HERPUD2: variants seen among roughly 807,000 people sequenced by gnomAD.
HERPUD2 encodes the protein homocysteine-responsive endoplasmic reticulum-resident ubiquitin-like domain member 2 protein.
HERPUD2 carries 13 observed loss-of-function variants against 49.9 expected under a neutral mutation model. The observed-to-expected ratio is 0.26, with a 90% CI of 0.17 to 0.41. HERPUD2 has a LOEUF of 0.41. Among genes scored for constraint, HERPUD2 ranks in the 10% least tolerant of loss-of-function variants. The pLI, the probability that HERPUD2 is intolerant of heterozygous loss-of-function variation, is 1.00. For synonymous variants in HERPUD2, 172 were observed against 171.4 expected (o/e 1.00, Z -0.03); for missense variants, 449 against 492.2 (o/e 0.91, Z 0.83).
intron 8 of HERPUD2, 64 bp downstream of exon 8, chr7:35,634,248 T>C (rs1217916057): frequency 1.1e-5 from 11 of 963,628 alleles, no homozygotes; most frequent in Non-Finnish European, 1.7e-5. Context: ...TTTCATCATG[T>C]TGGTCCCATA....
chr7:35,660,426 A>C (rs1464534643), intron 5 of HERPUD2, among the ~76,000 whole-genome samples: 1 of 152,146 alleles, frequency 6.6e-6, no homozygotes, highest in Non-Finnish European at 1.5e-5. Flanking sequence ...TGGTATTTCT[A>C]GTTCTAGATC....
At chr7:35,634,286 A>C in intron 8 of HERPUD2, 26 bp downstream of exon 8, 1 of 1,387,038 alleles carries the variant, frequency 7.2e-7, no homozygotes, top group Non-Finnish European at 1.0e-6. Context: ...CAGTATCTTA[A>C]GTATACAAAA....
chr7:35,674,330 T>A (rs1298446505), intron 2 of HERPUD2, among the ~76,000 whole-genome samples: 1 of 143,564 alleles, frequency 7.0e-6, no homozygotes, highest in African/African-American at 2.6e-5. Context: ...CTCCTATATA[T>A]AAACAATCAA....
At chr7:35,682,099 A>G (rs112917686) in intron 2 of HERPUD2, among the ~76,000 whole-genome samples, 4,358 of 151,992 alleles carry the variant, frequency 0.029, 185 homozygotes, top group African/African-American at 0.097. Flanking sequence ...GTACAGTGGC[A>G]TGGTATCAGC....
At chr7:35,689,897 C>T (rs987072735) in intron 2 of HERPUD2, among the ~76,000 whole-genome samples, 1 of 152,128 alleles carries the variant, frequency 6.6e-6, no homozygotes, top group Non-Finnish European at 1.5e-5. Context: ...GAGTCAGGTC[C>T]ATCTTAGTGA....
intron 5 of HERPUD2, among the ~76,000 whole-genome samples, chr7:35,663,793 C>G (rs1234798329): frequency 6.6e-6 from 1 of 152,048 alleles, no homozygotes; most frequent in East Asian, 1.9e-4. Flanking sequence ...CTATGTGTGT[C>G]TCTGCACGTG....
At chr7:35,643,010 T>C (rs150604611) in intron 5 of HERPUD2, among the ~76,000 whole-genome samples, 29 of 152,326 alleles carry the variant, frequency 1.9e-4, no homozygotes, top group African/African-American at 7.0e-4. Context: ...ATTCTATTTT[T>C]GAAAATTAGC....
At chr7:35,646,415 A>T (rs190629297) in intron 5 of HERPUD2, among the ~76,000 whole-genome samples, 1 of 152,160 alleles carries the variant, frequency 6.6e-6, no homozygotes, top group Admixed American at 6.5e-5. Flanking sequence ...AAATTCAATT[A>T]GCTGGGCATG....
chr7:35,694,227 C>A lies in HERPUD2; in HGVS notation c.104G>T (p.Gly35Val), dbSNP rs766157899. The change falls in exon 2 of 9, where the codon GGG becomes GTG. Residue 35 changes from glycine (G) to valine (V), a missense_variant. Transcript: ENST00000311350. ...TISCFLNWTVGKLKTHLSNVY... is the reference protein window; with the variant it reads ...TISCFLNWTVVKLKTHLSNVY... Reference sequence around the variant, plus strand: ...GTTAGATAGATGCGTTTTTAGTTTCCCCACGGTCCAGTTCAAGAAGCAGCT... The same window carrying A: ...GTTAGATAGATGCGTTTTTAGTTTCACCACGGTCCAGTTCAAGAAGCAGCT... 6.2e-7 allele frequency: 1 copy of A among 1,613,912 alleles called. No individual in the cohort carries two copies. The highest frequency in any genetic ancestry group is 1.3e-5 in the African/African-American group (1 of 74,882).
intron 3 of HERPUD2, 105 bp downstream of exon 3, chr7:35,673,096 T>G: frequency 1.3e-6 from 1 of 752,222 alleles, no homozygotes; most frequent in East Asian, 2.5e-5. Context: ...GCAAAGGGAT[T>G]GATTTTAAGT....
chr7:35,690,190 G>A (rs1435950471), intron 2 of HERPUD2, among the ~76,000 whole-genome samples: 3 of 152,178 alleles, frequency 2.0e-5, no homozygotes, highest in African/African-American at 7.2e-5. Context: ...TAGTCATGAA[G>A]TGATGTCAAA....
chr7:35,693,244 T>C (rs1786231374), intron 2 of HERPUD2, among the ~76,000 whole-genome samples: 1 of 152,148 alleles, frequency 6.6e-6, no homozygotes, highest in Non-Finnish European at 1.5e-5. Flanking sequence ...GGAAAAGCCA[T>C]ATGAGAGGGA....
At chr7:35,673,067 TCTTTA>T (rs1365051942) in intron 3 of HERPUD2, 129 bp downstream of exon 3, 6 of 599,452 alleles carry the variant, frequency 1.0e-5, no homozygotes, top group Non-Finnish European at 1.8e-5. Flanking sequence ...TTCTAATTTA[TCTTTA>T]CTTGTTACAC....
At chr7:35,646,383 G>A (rs563033826) in intron 5 of HERPUD2, among the ~76,000 whole-genome samples, 21 of 151,938 alleles carry the variant, frequency 1.4e-4, no homozygotes, top group South Asian at 6.2e-4. Flanking sequence ...GCAACATAAC[G>A]AGACCCTATC....
At chr7:35,667,119 C>T (rs372112446) in intron 5 of HERPUD2, among the ~76,000 whole-genome samples, 1 of 152,146 alleles carries the variant, frequency 6.6e-6, no homozygotes, top group East Asian at 1.9e-4. Flanking sequence ...TTAGCATCAT[C>T]TGGGAGCTTG....
chr7:35,634,318 T>C lies in HERPUD2; in HGVS notation c.1053A>G (p.Glu351=). The C allele has an allele frequency of 6.2e-7, 1 of 1,605,996 alleles. No individual in the cohort carries two copies. Among genetic ancestry groups the C allele is most frequent in the East Asian group, 2.2e-5 (1 of 44,808 alleles). The part of the protein sequence containing the change: ...DGQNANNLEL[E]EMERLMDDGL... Reference sequence around the variant, plus strand: ...AAAAGCTTCAATCACATACCATTTCTTCAAGTTCCAAGTTGTTTGCATTTT... The same window carrying C: ...AAAAGCTTCAATCACATACCATTTCCTCAAGTTCCAAGTTGTTTGCATTTT... Residue 351 remains glutamate, a synonymous_variant, in exon 8 of 9, where the codon GAA becomes GAG. Coordinates refer to ENST00000311350, the MANE Select transcript of HERPUD2 (RefSeq NM_022373.5).
At chr7:35,672,811 C>CA (rs1785670144) in intron 3 of HERPUD2, among the ~76,000 whole-genome samples, 1 of 151,986 alleles carries the variant, frequency 6.6e-6, no homozygotes, top group Non-Finnish European at 1.5e-5. Context: ...ATTAAACTCC[C>CA]AACTCAAGCA....
intron 2 of HERPUD2, among the ~76,000 whole-genome samples, chr7:35,683,827 C>G (rs564042122): frequency 1.3e-4 from 20 of 152,154 alleles, no homozygotes; most frequent in Admixed American, 3.9e-4. Context: ...TACTAATGAT[C>G]AGGGAAATGC....
chr7:35,688,570 A>T (rs1055426220), intron 2 of HERPUD2, among the ~76,000 whole-genome samples: 16 of 152,238 alleles, frequency 1.1e-4, no homozygotes, highest in South Asian at 4.1e-4. Context: ...GATATTATGC[A>T]TCTAATCTTT....
Sources: allele counts gnomAD v4.1 joint callset (sites outside exome capture counted in the v4.1 genomes callset), GRCh38; gene constraint gnomAD v4.1.1; transcripts MANE v1.5; gene names NCBI Gene and HGNC (gene_info 2026-07-23, HGNC 2026-07-21).